The following HS6ST3 variants were observed in gnomAD, a reference collection of about 807,000 sequenced individuals.
HS6ST3 encodes the protein heparan-sulfate 6-O-sulfotransferase 3.
HS6ST3 carries 12 observed loss-of-function variants against 36.7 expected under a neutral mutation model. The ratio of observed to expected loss-of-function variants is 0.33; its 90% CI spans 0.21 to 0.53. The LOEUF is 0.53. HS6ST3 is among the 20% of genes least tolerant of loss of function. HS6ST3 has a pLI of 0.95. For synonymous variants in HS6ST3, 240 were observed against 257.5 expected (o/e 0.93, Z 0.65); for missense variants, 584 against 640.9 (o/e 0.91, Z 0.96).
chr13:96,491,879 T>G (rs922025547), intron 1 of HS6ST3, among the ~76,000 whole-genome samples: 1 of 152,130 alleles, frequency 6.6e-6, no homozygotes, highest in Non-Finnish European at 1.5e-5. Context: ...ACTTTTTCAC[T>G]TTTTAATTAT....
At chr13:96,333,499 C>CT (rs2055083242) in intron 1 of HS6ST3, among the ~76,000 whole-genome samples, 1 of 152,146 alleles carries the variant, frequency 6.6e-6, no homozygotes. Context: ...TCTCTCCTCT[C>CT]TTTTTGGGGG....
intron 1 of HS6ST3, among the ~76,000 whole-genome samples, chr13:96,550,129 C>G (rs1257156803): frequency 6.6e-6 from 1 of 152,112 alleles, no homozygotes; most frequent in Non-Finnish European, 1.5e-5. Flanking sequence ...GTGTCCCCTC[C>G]AAATTGCATG....
intron 1 of HS6ST3, among the ~76,000 whole-genome samples, chr13:96,804,087 AAGGC>A (rs1878143711): frequency 6.6e-6 from 1 of 151,888 alleles, no homozygotes; most frequent in Non-Finnish European, 1.5e-5. Context: ...CTTGTACACC[AAGGC>A]AGTGGAGCAG....
rs535681553 is a variant in HS6ST3 at position 96,552,813 on chromosome 13, T to C, written c.708-279677T>C. On this transcript the variant is annotated intron_variant, in intron 1 of 1. Transcript: ENST00000376705. ...TAAGGATGGTATTGAGAAACACAAA[T>C]TGAAATCCAAAGTTCAGAGGACAGG... 3.9e-5 allele frequency among the ~76,000 whole-genome samples: 6 copies of C among 152,126 alleles called. 1 individual carries two copies. The highest frequency in any genetic ancestry group is 7.2e-5 in the African/African-American group (3 of 41,500).
At chr13:96,596,633 T>C (rs547425891) in intron 1 of HS6ST3, among the ~76,000 whole-genome samples, 16 of 152,298 alleles carry the variant, frequency 1.1e-4, no homozygotes, top group Admixed American at 4.6e-4. Context: ...TATCATTTTT[T>C]GACTTTTTAA....
At chr13:96,251,994 A>C (rs1482989104) in intron 1 of HS6ST3, among the ~76,000 whole-genome samples, 2 of 152,126 alleles carry the variant, frequency 1.3e-5, no homozygotes, top group Non-Finnish European at 2.9e-5. Context: ...GGAATGTTCC[A>C]TGTGTGCTTG....
chr13:96,245,149 C>G (rs2054578737), intron 1 of HS6ST3, among the ~76,000 whole-genome samples: 1 of 152,188 alleles, frequency 6.6e-6, no homozygotes, highest in South Asian at 2.1e-4. Flanking sequence ...TTGCAACCAA[C>G]ATATGACACT....
At chr13:96,525,966 A>G (rs537087193) in intron 1 of HS6ST3, among the ~76,000 whole-genome samples, 170 of 152,320 alleles carry the variant, frequency 1.1e-3, no homozygotes, top group African/African-American at 3.9e-3. Flanking sequence ...TTCCCAGGAC[A>G]TTGTATAGAT....
intron 1 of HS6ST3, among the ~76,000 whole-genome samples, chr13:96,284,545 G>A (rs1373193621): frequency 6.6e-6 from 1 of 152,248 alleles, no homozygotes; most frequent in East Asian, 1.9e-4. Context: ...GCTGGAAGCC[G>A]ATTAGGTTGT....
At chr13:96,795,459 T>A (rs188121135) in intron 1 of HS6ST3, among the ~76,000 whole-genome samples, 12 of 152,178 alleles carry the variant, frequency 7.9e-5, no homozygotes, top group African/African-American at 2.2e-4. Flanking sequence ...CCCAAGGCCA[T>A]GTAGCTCATC....
At chr13:96,773,017 T>C (rs1877301689) in intron 1 of HS6ST3, among the ~76,000 whole-genome samples, 1 of 151,974 alleles carries the variant, frequency 6.6e-6, no homozygotes. Context: ...GAGGGTGAGC[T>C]GAAGTGGGGG....
At chr13:96,499,079 G>A (rs1295608253) in intron 1 of HS6ST3, among the ~76,000 whole-genome samples, 1 of 147,872 alleles carries the variant, frequency 6.8e-6, no homozygotes, top group Non-Finnish European at 1.5e-5. Context: ...AGGCTGGAGT[G>A]TAGTGGCTCG....
chr13:96,564,540 A>G (rs2056274071), intron 1 of HS6ST3, among the ~76,000 whole-genome samples: 1 of 152,128 alleles, frequency 6.6e-6, no homozygotes, highest in African/African-American at 2.4e-5. Context: ...GACTCTTAAA[A>G]CCATAGCAAT....
intron 1 of HS6ST3, among the ~76,000 whole-genome samples, chr13:96,815,988 G>A (rs1007086163): frequency 1.3e-5 from 2 of 152,114 alleles, no homozygotes; most frequent in Non-Finnish European, 2.9e-5. Context: ...GGCTCTGAAT[G>A]GGAATTGAGC....
chr13:96,468,705 C>T (rs1223508918), intron 1 of HS6ST3, among the ~76,000 whole-genome samples: 1 of 152,136 alleles, frequency 6.6e-6, no homozygotes, highest in Non-Finnish European at 1.5e-5. Context: ...TATACGTATC[C>T]TATAGAGCCT....
At chr13:96,240,548 G>A (rs2054555219) in intron 1 of HS6ST3, among the ~76,000 whole-genome samples, 1 of 152,174 alleles carries the variant, frequency 6.6e-6, no homozygotes, top group African/African-American at 2.4e-5. Flanking sequence ...ATTTAAGTAG[G>A]AATTGGGTAA....
intron 1 of HS6ST3, among the ~76,000 whole-genome samples, chr13:96,561,232 A>G (rs1189422325): frequency 1.3e-5 from 2 of 152,164 alleles, no homozygotes; most frequent in Non-Finnish European, 2.9e-5. Flanking sequence ...ATAAAGCTAC[A>G]CACCCACAGC....
chr13:96,418,240 G>A (rs923311022), intron 1 of HS6ST3, among the ~76,000 whole-genome samples: 2 of 152,206 alleles, frequency 1.3e-5, no homozygotes, highest in African/African-American at 4.8e-5. Context: ...AGAGGGTGGA[G>A]AGTAGCCTTG....
At chr13:96,231,385 A>G (rs1290685627) in intron 1 of HS6ST3, among the ~76,000 whole-genome samples, 1 of 152,152 alleles carries the variant, frequency 6.6e-6, no homozygotes, top group East Asian at 1.9e-4. Flanking sequence ...TAAAGAATAG[A>G]AGTTTAATTG....
Sources: gnomAD v4.1 joint callset for allele counts (sites outside exome capture counted in the v4.1 genomes callset) on GRCh38, gnomAD v4.1.1 for gene constraint, MANE v1.5 for transcripts, NCBI Gene and HGNC (gene_info 2026-07-23, HGNC 2026-07-21) for gene names.